The following CRHR1 variants were observed in gnomAD, a reference collection of about 807,000 sequenced individuals.
CRHR1 encodes the protein corticotropin releasing hormone receptor 1.
A neutral mutation model predicts 56.0 loss-of-function variants in CRHR1; 28 were observed. The observed-to-expected ratio is 0.50, with a 90% confidence interval of 0.37 to 0.69. The LOEUF is 0.69. Ranked by LOEUF, CRHR1 falls within the 30% of genes least tolerant of loss-of-function variation. The probability of loss-of-function intolerance (pLI) is 0.00; values close to 1 mark genes in which losing one functional copy is unlikely to be tolerated. For synonymous variants in CRHR1, 195 were observed against 216.5 expected (o/e 0.90, Z 0.87); for missense variants, 376 against 548.0 (o/e 0.69, Z 3.13).
Position 45,830,479 on chromosome 17 carries a change from G to A in CRHR1, c.618G>A (p.Met206Ile). Residue 206 changes from methionine (M) to isoleucine (I), a missense_variant, in exon 7 of 13, where the codon ATG (methionine) becomes ATA (isoleucine). Around this residue, in one of 2 missense-constraint regions of CRHR1, gnomAD observed 369 missense variants for 519.5 expected, o/e 0.71. Transcript: ENST00000314537. Reference sequence around the variant, plus strand: ...TCCATGTGACCAACTTCTTCTGGATGTTCGGCGAGGGCTGCTACCTGCACA... The same window carrying A: ...TCCATGTGACCAACTTCTTCTGGATATTCGGCGAGGGCTGCTACCTGCACA... ...NYFHVTNFFWMFGEGCYLHTA... is the reference protein window; with the variant it reads ...NYFHVTNFFWIFGEGCYLHTA... 1 of 1,613,780 alleles carries A rather than the reference G, an allele frequency of 6.2e-7. No individual in the cohort carries two copies. The highest frequency in any genetic ancestry group is 8.5e-7 in the Non-Finnish European group (1 of 1,179,972).
At chr17:45,803,757 C>CGTGT (rs553066030) in intron 1 of CRHR1, among the ~76,000 whole-genome samples, 2,231 of 129,540 alleles carry the variant, frequency 0.017, 18 homozygotes, top group Non-Finnish European at 0.021. Context: ...AGAGAGAGTG[C>CGTGT]GTGTGTGTGT....
At chr17:45,813,807 G>A (rs2061872434) in intron 2 of CRHR1, among the ~76,000 whole-genome samples, 1 of 152,268 alleles carries the variant, frequency 6.6e-6, no homozygotes. Context: ...CACCCATGGT[G>A]GCATAGTAGG....
chr17:45,791,501 G>T (rs1308676697), intron 1 of CRHR1, among the ~76,000 whole-genome samples: 2 of 152,104 alleles, frequency 1.3e-5, no homozygotes, highest in Non-Finnish European at 2.9e-5. Flanking sequence ...TGCCTGCCTT[G>T]GTCATTCTTG....
intron 1 of CRHR1, among the ~76,000 whole-genome samples, chr17:45,793,623 G>A (rs1223572977): frequency 6.6e-6 from 1 of 152,232 alleles, no homozygotes; most frequent in African/African-American, 2.4e-5. Flanking sequence ...GCAGCCTGGG[G>A]CGTCTTTTCT....
At chr17:45,803,015 G>A (rs936064849) in intron 1 of CRHR1, among the ~76,000 whole-genome samples, 1 of 152,188 alleles carries the variant, frequency 6.6e-6, no homozygotes, top group African/African-American at 2.4e-5. Flanking sequence ...TGTACAGAGT[G>A]CACTGGGAAA....
chr17:45,818,768 G>T (rs1283422885), intron 3 of CRHR1, among the ~76,000 whole-genome samples: 3 of 152,200 alleles, frequency 2.0e-5, no homozygotes, highest in Non-Finnish European at 4.4e-5. Context: ...ATTTACTGAT[G>T]AGTTGCTGCC....
chr17:45,801,357 A>G (rs1057497306), intron 1 of CRHR1, among the ~76,000 whole-genome samples: 1 of 152,230 alleles, frequency 6.6e-6, no homozygotes, highest in South Asian at 2.1e-4. Context: ...GTTATGTGAC[A>G]TTGGGTACAT....
chr17:45,814,185 T>A (rs758435226), intron 2 of CRHR1, among the ~76,000 whole-genome samples: 18 of 152,232 alleles, frequency 1.2e-4, no homozygotes, highest in Non-Finnish European at 2.5e-4. Flanking sequence ...AACATTACAT[T>A]TGAGCCTAGC....
intron 1 of CRHR1, among the ~76,000 whole-genome samples, chr17:45,801,432 G>T (rs1416936794): frequency 6.6e-6 from 1 of 152,122 alleles, no homozygotes; most frequent in Non-Finnish European, 1.5e-5. Flanking sequence ...TCCATCCCAG[G>T]GACCCACTAG....
chr17:45,794,566 A>G (rs1461320582), intron 1 of CRHR1, among the ~76,000 whole-genome samples: 1 of 152,204 alleles, frequency 6.6e-6, no homozygotes, highest in African/African-American at 2.4e-5. Flanking sequence ...GGAAGAAGGA[A>G]GAACCCTTGT....
rs1419678836 is a variant in CRHR1, at chr17:45,835,653, C to G, written c.*889C>G. ...GGAGAAGACCCCTGCCCAAGTGGCT[C>G]TTGGGACAACGTGCTGCTTACACTC... On this transcript the variant is annotated 3_prime_UTR_variant, in exon 13 of 13. Transcript: ENST00000314537. 2 of 152,310 alleles carry G rather than the reference C, an allele frequency of 1.3e-5. No homozygotes were observed. The highest frequency in any genetic ancestry group is 4.8e-5 in the African/African-American group (2 of 41,428). The allele number at this position is 152,310 out of a possible 1,614,324, so 9.4% of individuals were successfully genotyped here. A position where few individuals can be genotyped will look rare whatever the true frequency, so the allele number is the denominator to read the frequency against.
chr17:45,794,586 G>A (rs924924933), intron 1 of CRHR1, among the ~76,000 whole-genome samples: 4 of 152,216 alleles, frequency 2.6e-5, no homozygotes, highest in Non-Finnish European at 5.9e-5. Flanking sequence ...TCCAGGAGGA[G>A]GAAACTCTTT....
intron 2 of CRHR1, among the ~76,000 whole-genome samples, chr17:45,811,212 G>A (rs1046831948): frequency 3.3e-5 from 5 of 152,224 alleles, no homozygotes; most frequent in Non-Finnish European, 7.3e-5. Flanking sequence ...TAACCTACCT[G>A]GGGGAAGAAG....
At chr17:45,787,025 G>A (rs2061348907) in intron 1 of CRHR1, among the ~76,000 whole-genome samples, 1 of 152,176 alleles carries the variant, frequency 6.6e-6, no homozygotes, top group South Asian at 2.1e-4. Flanking sequence ...CAGCATGAGA[G>A]TACAAATCTA....
intron 1 of CRHR1, among the ~76,000 whole-genome samples, chr17:45,788,717 T>C (rs2061377141): frequency 6.6e-6 from 1 of 152,244 alleles, no homozygotes; most frequent in South Asian, 2.1e-4. Flanking sequence ...CTAGCAGCTC[T>C]TGGACATGCA....
At position 45,830,184 on chromosome 17, in the gene CRHR1, C is replaced by T; in HGVS notation, c.525C>T (p.Thr175=). The T allele has an allele frequency of 6.2e-7, 1 of 1,614,156 alleles. No homozygotes were observed. The highest frequency in any genetic ancestry group is 2.2e-5 in the East Asian group (1 of 44,870). The change falls in exon 6 of 13, where the codon ACC becomes ACT. Residue 175 remains threonine (T), a synonymous_variant. Transcript: ENST00000314537. ...CCACCTGGTTCGTGGTCCAGCTAAC[C>T]ATGAGCCCCGAGGTCCACCAGAGCA... ...RNATWFVVQL[T]MSPEVHQSNV...
At chr17:45,804,091 C>G (rs931341583) in intron 1 of CRHR1, among the ~76,000 whole-genome samples, 12 of 152,224 alleles carry the variant, frequency 7.9e-5, no homozygotes, top group African/African-American at 2.9e-4. Context: ...TTCTCCATCT[C>G]TCTGGAGACT....
Position 45,784,483 on chromosome 17 carries a change from CGGT to C in CRHR1, c.-61_-59del. 1 of 1,457,820 alleles carries C rather than the reference CGGT, an allele frequency of 6.9e-7. No individual in the cohort carries two copies. Among genetic ancestry groups the C allele is most frequent in the Admixed American group, 2.4e-5 (1 of 42,496 alleles). The allele number at this position is 1,457,820 out of a possible 1,614,324, so 90.3% of individuals were successfully genotyped here. On this transcript the variant is annotated 5_prime_UTR_variant, in exon 1 of 13. Coordinates refer to ENST00000314537, the MANE Select transcript of CRHR1 (RefSeq NM_004382.5). This position sits in a 1 kb window ranked among gnomAD's most constrained non-coding sequence, Gnocchi z 4.2. The stretch of plus-strand genomic sequence containing the variant: ...GCCGCCCGAGCCCGCAGCCGCCCGC[CGGT>C]CCCTCTGGGATGTCCGTAGGACCCG...
intron 5 of CRHR1, chr17:45,829,701 G>C: frequency 6.7e-7 from 1 of 1,491,620 alleles, no homozygotes; most frequent in Non-Finnish European, 9.1e-7. Flanking sequence ...GCCGGGGATG[G>C]GGATGGTTGG....
Sources: allele counts gnomAD v4.1 joint callset (sites outside exome capture counted in the v4.1 genomes callset), GRCh38; gene constraint gnomAD v4.1.1; regional missense constraint gnomAD v4.1.1; non-coding constraint Gnocchi (gnomAD v3.1); transcripts MANE v1.5; gene names NCBI Gene and HGNC (gene_info 2026-07-23, HGNC 2026-07-21).